Variants in GPC3 observed in about 807,000 individuals in gnomAD.
GPC3 encodes the protein glypican 3.
In GPC3, 3 loss-of-function variants were observed where a neutral mutation model predicts 34.4. That is an observed-to-expected ratio of 0.09 (90% CI 0.04 to 0.23). GPC3 has a LOEUF of 0.23. GPC3 is among the 10% of genes least tolerant of loss of function. The pLI is 1.00. For missense variants in GPC3, 351 were observed against 445.6 expected, an observed-to-expected ratio of 0.79 and a Z score of 1.91; for synonymous variants, 177 against 174.0, an observed-to-expected ratio of 1.02 and a Z score of -0.13.
At chrX:133,956,410 T>G (rs2076416569) in intron 1 of GPC3, among the ~76,000 whole-genome samples, 1 of 112,144 alleles carries the variant, frequency 8.9e-6, no homozygotes, top group Admixed American at 9.5e-5. Context: ...CTGATGCAGT[T>G]TACTGGACCA....
intron 2 of GPC3, among the ~76,000 whole-genome samples, chrX:133,874,649 A>C (rs1250385368): frequency 8.9e-6 from 1 of 112,070 alleles, no homozygotes; most frequent in African/African-American, 3.2e-5. Flanking sequence ...AGCATGCAGC[A>C]GGTTGCAGGA....
chrX:133,822,950 G>A (rs762900902), intron 2 of GPC3, among the ~76,000 whole-genome samples: 160 of 107,751 alleles, frequency 1.5e-3, no homozygotes, highest in Middle Eastern at 4.7e-3. Flanking sequence ...CCGATATGGC[G>A]AAACCCGGTC....
At chrX:133,776,875 TTTC>T (rs1243495096) in intron 2 of GPC3, among the ~76,000 whole-genome samples, 2 of 61,266 alleles carry the variant, frequency 3.3e-5, no homozygotes, top group South Asian at 8.0e-4. Flanking sequence ...CGTCCTTTCT[TTTC>T]TTTTTTTTTT....
At chrX:133,846,058 T>C (rs1343891275) in intron 2 of GPC3, among the ~76,000 whole-genome samples, 3 of 112,039 alleles carry the variant, frequency 2.7e-5, no homozygotes, top group Admixed American at 9.5e-5. Context: ...AGGATTACTG[T>C]GCATACCATA....
intron 2 of GPC3, among the ~76,000 whole-genome samples, chrX:133,939,394 T>C (rs2076335431): frequency 8.9e-6 from 1 of 111,971 alleles, no homozygotes; most frequent in Non-Finnish European, 1.9e-5. Flanking sequence ...ATGTCTAGTA[T>C]AGTGTATATA....
chrX:133,661,643 C>T (rs2070726791), intron 6 of GPC3, 87 bp downstream of exon 6: 1 of 37,365 alleles, frequency 2.7e-5, no homozygotes, highest in African/African-American at 1.3e-4. Context: ...TCCCCCCCCC[C>T]TCTCTCTCCC....
In GPC3 at chrX:133,655,934, G is replaced by T. The variant is rs186760249; in HGVS notation, c.1413+5796C>A. Among the ~76,000 whole-genome samples the T allele has an allele frequency of 1.9e-3, 215 of 112,158 alleles. 1 individual carries two copies. The highest frequency in any genetic ancestry group is 6.7e-3 in the African/African-American group (208 of 30,947). On this transcript the variant is annotated intron_variant, in intron 6 of 7. Coordinates refer to ENST00000370818, the MANE Select transcript of GPC3 (RefSeq NM_004484.4). ...TATTTCAAAAGTTAGTTTCTTCATTGCACTAGAGTCTGCCAGGCATCTTAA... is the reference window on the plus strand; with the variant it reads ...TATTTCAAAAGTTAGTTTCTTCATTTCACTAGAGTCTGCCAGGCATCTTAA...
intron 6 of GPC3, among the ~76,000 whole-genome samples, chrX:133,642,519 C>T (rs745775175): frequency 9.0e-6 from 1 of 110,887 alleles, no homozygotes; most frequent in South Asian, 3.9e-4. Flanking sequence ...TGCCTGTAAT[C>T]CCAGCACTTT....
intron 2 of GPC3, among the ~76,000 whole-genome samples, chrX:133,760,394 T>C (rs950478511): frequency 2.7e-5 from 3 of 112,024 alleles, no homozygotes; most frequent in Non-Finnish European, 3.8e-5. Context: ...TGTCCTTCAA[T>C]AGGATAAATA....
Position 133,963,619 on chromosome X carries a change from A to G in GPC3, c.176-10408T>C, listed in dbSNP as rs145550430. Among the ~76,000 whole-genome samples the G allele has an allele frequency of 8.1e-3, 901 of 111,163 alleles. 14 individuals carry two copies. Among genetic ancestry groups the G allele is most frequent in the African/African-American group, 0.028 (862 of 30,600 alleles). ...TTTCATGTTTCTCCCCTCCTCTCCAAATGAACTCTTTGAGCTGTTATCTCT... is the reference window on the plus strand; with the variant it reads ...TTTCATGTTTCTCCCCTCCTCTCCAGATGAACTCTTTGAGCTGTTATCTCT... On this transcript the variant is annotated intron_variant, in intron 1 of 7. Transcript: ENST00000370818.
At chrX:133,744,927 C>G (rs2071598375) in intron 3 of GPC3, among the ~76,000 whole-genome samples, 1 of 110,771 alleles carries the variant, frequency 9.0e-6, no homozygotes, top group Admixed American at 9.6e-5. Flanking sequence ...AAACCAAACA[C>G]CATATGTTCT....
chrX:133,661,696 T>A, intron 6 of GPC3, 34 bp downstream of exon 6: 4 of 799,438 alleles, frequency 5.0e-6, no homozygotes, highest in Non-Finnish European at 6.9e-6. Flanking sequence ...TTATTTCTAC[T>A]TTTTATTATT....
chrX:133,819,408 T>C (rs920097973), intron 2 of GPC3, among the ~76,000 whole-genome samples: 39 of 109,385 alleles, frequency 3.6e-4, no homozygotes, highest in Non-Finnish European at 5.3e-4. Context: ...ATCTTTGACA[T>C]AGAGTACAAT....
rs145643179 is a variant in GPC3 at position 133,593,790 on chromosome X, G to T, written c.1573+2650C>A. Among the ~76,000 whole-genome samples the T allele has an allele frequency of 1.3e-4, 14 of 111,067 alleles. No individual in the cohort carries two copies. The East Asian group carries it at 3.7e-3, about 29-fold the overall frequency. The stretch of plus-strand genomic sequence containing the variant: ...ATAGTATGTGCAGGAGGGTGTGAAG[G>T]GGGGAATAGAAAGGAAGGATTGGGC... On this transcript the variant is annotated intron_variant, in intron 7 of 7. Transcript: ENST00000370818.
intron 1 of GPC3, among the ~76,000 whole-genome samples, chrX:133,965,900 G>A (rs2267526): frequency 0.036 from 3,988 of 110,799 alleles, 64 homozygotes; most frequent in East Asian, 0.099. Context: ...GGAGTAGGGG[G>A]GAGAGAGGCA....
chrX:133,859,591 C>T (rs73567086), intron 2 of GPC3, among the ~76,000 whole-genome samples: 4,948 of 111,389 alleles, frequency 0.044, 255 homozygotes, highest in African/African-American at 0.15. Flanking sequence ...CAAACAAGGA[C>T]GAGTCTGGGC....
At chrX:133,692,347 T>C in intron 5 of GPC3, 22 bp downstream of exon 5, 4 of 1,204,559 alleles carry the variant, frequency 3.3e-6, no homozygotes, top group Non-Finnish European at 4.5e-6. Context: ...TATTGCTATA[T>C]GTAACTTTCA....
intron 7 of GPC3, among the ~76,000 whole-genome samples, chrX:133,569,727 C>T (rs1341906241): frequency 1.8e-5 from 2 of 111,869 alleles, no homozygotes; most frequent in Admixed American, 1.9e-4. Context: ...CACATGTGGC[C>T]ACAGGCATCT....
chrX:133,840,342 T>C (rs2075818553), intron 2 of GPC3, among the ~76,000 whole-genome samples: 1 of 111,039 alleles, frequency 9.0e-6, no homozygotes, highest in African/African-American at 3.3e-5. Context: ...ATTAAGGTGA[T>C]TGAGGCTAGG....
Sources: allele counts gnomAD v4.1 joint callset (sites outside exome capture counted in the v4.1 genomes callset), GRCh38; gene constraint gnomAD v4.1.1; transcripts MANE v1.5; gene names NCBI Gene and HGNC (gene_info 2026-07-23, HGNC 2026-07-21).